The following RMND1 variants were observed in gnomAD, a reference collection of about 807,000 sequenced individuals.
RMND1 encodes the protein required for meiotic nuclear division 1 homolog.
Under a neutral mutation model 54.0 loss-of-function variants are expected in RMND1, and 41 were observed. The ratio of observed to expected loss-of-function variants is 0.76; its 90% CI spans 0.59 to 0.98. The LOEUF is 0.98. Among genes scored for constraint, RMND1 ranks in the 50% least tolerant of loss-of-function variants. The pLI is 0.00. For synonymous variants in RMND1, 183 were observed against 181.7 expected, an observed-to-expected ratio of 1.01 and a Z score of -0.06; for missense variants, 457 against 532.0, an observed-to-expected ratio of 0.86 and a Z score of 1.39.
rs568731261 is a variant in RMND1, at chr6:151,405,070, T to C, written c.*165A>G. ...TTTTAGTAGAGATGGGGTTTCACCA[T>C]GTTGGCCAGGCTTGTCTTGAGCTCC... is the stretch of plus-strand genomic sequence containing the variant. On this transcript the variant is annotated 3_prime_UTR_variant, in exon 12 of 12. Transcript: ENST00000444024. 6 of 573,624 alleles carry C rather than the reference T, an allele frequency of 1.0e-5. No individual in the cohort carries two copies. Among genetic ancestry groups the C allele is most frequent in the East Asian group, 6.5e-5 (2 of 30,934 alleles). The allele number at this position is 573,624 out of a possible 1,614,324, so 35.5% of individuals were successfully genotyped here.
At position 151,445,373 on chromosome 6, in the gene RMND1, G is replaced by A. The variant is rs759822198; in HGVS notation, c.439C>T (p.Pro147Ser). 4 of 1,613,856 alleles carry A rather than the reference G, an allele frequency of 2.5e-6. No homozygotes were observed. The highest frequency in any genetic ancestry group is 3.3e-5 in the Admixed American group (2 of 59,992). The change falls in exon 2 of 12, where the codon CCA (proline) becomes TCA (serine). Residue 147 changes from proline (P) to serine (S), a missense_variant. Coordinates refer to ENST00000444024, the MANE Select transcript of RMND1 (RefSeq NM_017909.4). ...PKQDFPQVKR[P>S]LKASRTRQPS... Reference sequence around the variant, plus strand: ...TGTCTGGTCCTGGATGCTTTTAGTGGTCTCTTCACCTGTGGGAAGTCTTGT... The same window carrying A: ...TGTCTGGTCCTGGATGCTTTTAGTGATCTCTTCACCTGTGGGAAGTCTTGT...
chr6:151,442,787 G>T (rs1780822038), intron 2 of RMND1, among the ~76,000 whole-genome samples: 1 of 148,328 alleles, frequency 6.7e-6, no homozygotes, highest in African/African-American at 2.5e-5. Flanking sequence ...TGGTCTTTCT[G>T]TGTCAGCCTC....
rs1779563053 is a variant in RMND1, at chr6:151,405,089, G to A, written c.*146C>T. 1 of 622,832 alleles carries A rather than the reference G, an allele frequency of 1.6e-6. No homozygotes were observed. The highest frequency in any genetic ancestry group is 2.8e-6 in the Non-Finnish European group (1 of 358,478). The allele number at this position is 622,832 out of a possible 1,614,324, so 38.6% of individuals were successfully genotyped here. The stretch of plus-strand genomic sequence containing the variant: ...TCACCATGTTGGCCAGGCTTGTCTT[G>A]AGCTCCTGATCTCATCTCAAGCCAC... On this transcript the variant is annotated 3_prime_UTR_variant, in exon 12 of 12. Coordinates refer to ENST00000444024, the MANE Select transcript of RMND1 (RefSeq NM_017909.4).
chr6:151,418,732 T>A (rs940176914), intron 9 of RMND1, among the ~76,000 whole-genome samples: 11 of 152,172 alleles, frequency 7.2e-5, no homozygotes, highest in Admixed American at 1.3e-4. Context: ...ACATACACAC[T>A]CTCTCTCTTA....
intron 10 of RMND1, among the ~76,000 whole-genome samples, chr6:151,415,583 A>G (rs748907717): frequency 6.6e-6 from 1 of 151,982 alleles, no homozygotes; most frequent in African/African-American, 2.4e-5. Flanking sequence ...TCACATACAG[A>G]TCGAGACCAT....
intron 10 of RMND1, among the ~76,000 whole-genome samples, chr6:151,409,945 GACCTCTGTACTCA>G (rs1779756357): frequency 6.6e-6 from 1 of 152,002 alleles, no homozygotes; most frequent in Admixed American, 6.6e-5. Context: ...TCTGCATCTG[GACCTCTGTACTCA>G]ACTTTTTAGC....
chr6:151,442,875 T>G (rs1282324771), intron 2 of RMND1, among the ~76,000 whole-genome samples: 1 of 152,086 alleles, frequency 6.6e-6, no homozygotes, highest in African/African-American at 2.4e-5. Context: ...GGGATGTGGG[T>G]TGAGTATCTC....
intron 10 of RMND1, among the ~76,000 whole-genome samples, chr6:151,406,448 G>C (rs1779623668): frequency 6.6e-6 from 1 of 151,918 alleles, no homozygotes; most frequent in Non-Finnish European, 1.5e-5. Flanking sequence ...TGCAAGCTCT[G>C]CCTCCTGGGA....
At chr6:151,414,237 A>AT (rs933412960) in intron 10 of RMND1, among the ~76,000 whole-genome samples, 11 of 152,152 alleles carry the variant, frequency 7.2e-5, no homozygotes, top group Non-Finnish European at 1.6e-4. Flanking sequence ...TACCTGGCTA[A>AT]TTTTTTTAAA....
intron 1 of RMND1, among the ~76,000 whole-genome samples, chr6:151,449,910 C>T (rs982534166): frequency 1.3e-5 from 2 of 152,214 alleles, no homozygotes; most frequent in South Asian, 2.1e-4. Flanking sequence ...CTCGGCCTCC[C>T]GAGGTGCCGG....
chr6:151,423,851 C>CTT lies in RMND1; in HGVS notation c.831-222_831-221dup, dbSNP rs34456849. ...AAAGAAAAATTTGTATACAAGAAAACTTTTTTTTTTTTTTTTGAGACAGTC... is the reference window on the plus strand; with the variant it reads ...AAAGAAAAATTTGTATACAAGAAAACTTTTTTTTTTTTTTTTTTGAGACAGTC... On this transcript the variant is annotated intron_variant, in intron 6 of 11. Coordinates refer to ENST00000444024, the MANE Select transcript of RMND1 (RefSeq NM_017909.4). Among the ~76,000 whole-genome samples the CTT allele has an allele frequency of 4.0e-3, 557 of 140,206 alleles. 5 individuals carry two copies. The highest frequency in any genetic ancestry group is 0.013 in the African/African-American group (506 of 38,178). 92.0% of individuals were successfully genotyped at this position (140,206 alleles called of 152,430 possible). A position where few individuals can be genotyped will look rare whatever the true frequency, so the allele number is the denominator to read the frequency against.
At chr6:151,450,403 T>C (rs1284133890) in intron 1 of RMND1, among the ~76,000 whole-genome samples, 2 of 122,770 alleles carry the variant, frequency 1.6e-5, no homozygotes, top group East Asian at 4.9e-4. Context: ...GGGAGGGAGG[T>C]GGGGGTCAGC....
At chr6:151,430,743 A>G (rs945426958) in intron 4 of RMND1, among the ~76,000 whole-genome samples, 3 of 152,218 alleles carry the variant, frequency 2.0e-5, no homozygotes, top group Non-Finnish European at 4.4e-5. Flanking sequence ...TTTAGGGTCT[A>G]AAACTACGAA....
At chr6:151,434,618 GCT>G (rs1474167648) in intron 3 of RMND1, among the ~76,000 whole-genome samples, 1 of 152,110 alleles carries the variant, frequency 6.6e-6, no homozygotes, top group Non-Finnish European at 1.5e-5. Flanking sequence ...TCTAGACATA[GCT>G]CTGTCTTTCT....
chr6:151,410,277 G>C (rs564554848), intron 10 of RMND1, among the ~76,000 whole-genome samples: 7 of 152,020 alleles, frequency 4.6e-5, no homozygotes, highest in South Asian at 2.1e-4. Flanking sequence ...GGATGGTCTG[G>C]ATCTCCTGAC....
At chr6:151,450,798 T>C (rs1022456032) in intron 1 of RMND1, among the ~76,000 whole-genome samples, 20 of 152,158 alleles carry the variant, frequency 1.3e-4, no homozygotes, top group East Asian at 3.9e-4. Flanking sequence ...AATCGGATGG[T>C]TGCCGTGTCT....
intron 5 of RMND1, 67 bp from the exon 6 acceptor site, chr6:151,427,649 T>C (rs1231020670): frequency 8.0e-6 from 8 of 998,160 alleles, no homozygotes; most frequent in Non-Finnish European, 1.2e-5. Flanking sequence ...GTTATGATTT[T>C]AATGCTTATA....
chr6:151,420,907 T>C (rs1780132728), intron 9 of RMND1: 1 of 165,710 alleles, frequency 6.0e-6, no homozygotes, highest in South Asian at 1.9e-4. Flanking sequence ...TATTTAGCAT[T>C]ATGATGCAGT....
At chr6:151,419,285 G>A (rs927404663) in intron 9 of RMND1, among the ~76,000 whole-genome samples, 1 of 150,956 alleles carries the variant, frequency 6.6e-6, no homozygotes, top group African/African-American at 2.4e-5. Flanking sequence ...GGCTGGTCTC[G>A]AGCTCCCAGC....
Sources: allele counts gnomAD v4.1 joint callset (sites outside exome capture counted in the v4.1 genomes callset), GRCh38; gene constraint gnomAD v4.1.1; transcripts MANE v1.5; gene names NCBI Gene and HGNC (gene_info 2026-07-23, HGNC 2026-07-21).